KDM4C: variants seen among roughly 807,000 people sequenced by gnomAD.
KDM4C encodes lysine demethylase 4C, also known as lysine-specific demethylase 4C.
In KDM4C, 81 loss-of-function variants were observed where a neutral mutation model predicts 129.3. That is an observed-to-expected ratio of 0.63 (90% CI 0.52 to 0.75). The LOEUF (loss-of-function observed/expected upper bound fraction) is 0.75, where lower values mean the gene tolerates loss of function less well. Ranked by LOEUF, KDM4C falls within the 30% of genes least tolerant of loss-of-function variation. The pLI is 0.00. For missense variants in KDM4C, 1,457 were observed against 1,304.0 expected (o/e 1.12, Z -1.81); for synonymous variants, 573 against 456.1 (o/e 1.26, Z -3.26).
At chr9:7,054,231 C>T (rs74493663) in intron 17 of KDM4C, among the ~76,000 whole-genome samples, 4,687 of 152,268 alleles carry the variant, frequency 0.031, 250 homozygotes, top group African/African-American at 0.11. Flanking sequence ...TGTGAAGTCA[C>T]AGGTGATTGG....
At chr9:7,052,054 A>G (rs865803233) in intron 17 of KDM4C, among the ~76,000 whole-genome samples, 1 of 152,226 alleles carries the variant, frequency 6.6e-6, no homozygotes, top group South Asian at 2.1e-4. Context: ...AACATTTTCA[A>G]TATTTGTCAT....
intron 8 of KDM4C, among the ~76,000 whole-genome samples, chr9:6,950,218 C>T (rs1162171209): frequency 2.0e-5 from 3 of 151,930 alleles, no homozygotes; most frequent in Non-Finnish European, 4.4e-5. Flanking sequence ...TTGTCTTGAA[C>T]CTTAAATTCT....
intron 3 of KDM4C, among the ~76,000 whole-genome samples, chr9:6,810,669 C>G (rs1309605864): frequency 6.6e-6 from 1 of 151,990 alleles, no homozygotes; most frequent in Non-Finnish European, 1.5e-5. Context: ...CCAGGAGTTT[C>G]AAGACCAGCC....
intron 1 of KDM4C, among the ~76,000 whole-genome samples, chr9:6,724,455 C>G (rs1223150484): frequency 6.6e-6 from 1 of 152,122 alleles, no homozygotes; most frequent in African/African-American, 2.4e-5. Context: ...GAAGGTAATG[C>G]TCAGCGAGCA....
intron 4 of KDM4C, among the ~76,000 whole-genome samples, chr9:6,846,516 A>C (rs1837878194): frequency 6.6e-6 from 1 of 151,878 alleles, no homozygotes; most frequent in Non-Finnish European, 1.5e-5. Context: ...AGTAGAGAAC[A>C]AAAATTGGAG....
chr9:6,963,095 T>C (rs77624860), intron 8 of KDM4C, among the ~76,000 whole-genome samples: 2,460 of 152,348 alleles, frequency 0.016, 20 homozygotes, highest in Middle Eastern at 0.041. Context: ...ATTGGTTTTC[T>C]CATCTGTTAT....
intron 5 of KDM4C, among the ~76,000 whole-genome samples, chr9:6,858,768 TC>T (rs143261157): frequency 0.098 from 13,657 of 139,668 alleles, 1,108 homozygotes; most frequent in African/African-American, 0.23. Context: ...TGATTTTGTC[TC>T]CCCCCCCGGC....
chr9:6,759,778 C>G (rs1819020007), intron 1 of KDM4C, among the ~76,000 whole-genome samples: 1 of 151,622 alleles, frequency 6.6e-6, no homozygotes, highest in Non-Finnish European at 1.5e-5. Context: ...AATGGCGAAA[C>G]CTCGTCTGTA....
chr9:6,787,296 C>T (rs763734773), intron 1 of KDM4C, among the ~76,000 whole-genome samples: 25 of 152,102 alleles, frequency 1.6e-4, no homozygotes, highest in Admixed American at 1.1e-3. Context: ...GCAGTGGCAC[C>T]GTCTTGGCTC....
chr9:6,863,779 G>A (rs1301620146), intron 5 of KDM4C, among the ~76,000 whole-genome samples: 1 of 143,118 alleles, frequency 7.0e-6, no homozygotes. Context: ...GGGCGACACA[G>A]CGAGACTCCA....
At chr9:7,093,565 T>C (rs763236985) in intron 17 of KDM4C, among the ~76,000 whole-genome samples, 2 of 152,184 alleles carry the variant, frequency 1.3e-5, no homozygotes, top group African/African-American at 2.4e-5. Context: ...CATTTTTCAT[T>C]GTTCTTCATC....
intron 2 of KDM4C, among the ~76,000 whole-genome samples, chr9:6,795,048 C>A (rs1827458624): frequency 6.6e-6 from 1 of 152,158 alleles, no homozygotes; most frequent in African/African-American, 2.4e-5. Context: ...TTTCTGTAGA[C>A]TTGTCAATAT....
chr9:7,117,916 C>T (rs140892530), intron 18 of KDM4C, among the ~76,000 whole-genome samples: 22 of 152,274 alleles, frequency 1.4e-4, no homozygotes, highest in African/African-American at 4.8e-4. Context: ...AATGTGAACT[C>T]TCATCTCTGT....
intron 8 of KDM4C, among the ~76,000 whole-genome samples, chr9:6,908,405 A>G (rs139858766): frequency 1.1e-3 from 165 of 152,308 alleles, no homozygotes; most frequent in African/African-American, 3.7e-3. Flanking sequence ...AATAGAATGT[A>G]TTGGGAGGGC....
chr9:6,860,216 G>A (rs1353979929), intron 5 of KDM4C, among the ~76,000 whole-genome samples: 8 of 152,172 alleles, frequency 5.3e-5, no homozygotes, highest in Admixed American at 4.6e-4. Flanking sequence ...GTTTGGAGGT[G>A]TAGGTAGGAG....
chr9:6,903,976 A>G (rs2131004464), intron 8 of KDM4C, among the ~76,000 whole-genome samples: 1 of 152,278 alleles, frequency 6.6e-6, no homozygotes, highest in African/African-American at 2.4e-5. Context: ...GCGGTGGCTC[A>G]CGTCTGTAAT....
intron 3 of KDM4C, among the ~76,000 whole-genome samples, chr9:6,807,779 T>C (rs1379820298): frequency 6.5e-5 from 8 of 122,494 alleles, no homozygotes; most frequent in South Asian, 6.2e-4. Flanking sequence ...CCACCCCGTC[T>C]GGGAGGGAGG....
intron 12 of KDM4C, among the ~76,000 whole-genome samples, chr9:7,000,409 T>A (rs10116747): frequency 0.25 from 38,474 of 152,186 alleles, 5,359 homozygotes; most frequent in South Asian, 0.5. Context: ...TATGATCAGG[T>A]TTCTGAATGT....
chr9:6,721,491 G>A (rs1403783587), intron 1 of KDM4C, among the ~76,000 whole-genome samples: 1 of 151,326 alleles, frequency 6.6e-6, no homozygotes, highest in Admixed American at 6.6e-5. Flanking sequence ...GCCATGTTGG[G>A]CAGGCTGGTC....
Sources: allele counts gnomAD v4.1 joint callset (sites outside exome capture counted in the v4.1 genomes callset), GRCh38; gene constraint gnomAD v4.1.1; transcripts MANE v1.5; gene names NCBI Gene and HGNC (gene_info 2026-07-23, HGNC 2026-07-21).